The following TSNARE1 variants were observed in gnomAD, a reference collection of about 807,000 sequenced individuals.
TSNARE1 encodes t-SNARE domain-containing protein 1.
TSNARE1 carries 49 observed loss-of-function variants against 62.0 expected under a neutral mutation model. The ratio of observed to expected loss-of-function variants is 0.79; its 90% CI spans 0.63 to 1.00. The LOEUF (loss-of-function observed/expected upper bound fraction) is 1.00, where lower values mean the gene tolerates loss of function less well. Ranked by LOEUF, TSNARE1 falls within the 50% of genes least tolerant of loss-of-function variation. TSNARE1 has a pLI of 0.00. For synonymous variants in TSNARE1, 328 were observed against 294.4 expected (o/e 1.11, Z -1.17); for missense variants, 755 against 700.1 (o/e 1.08, Z -0.88).
intron 1 of TSNARE1, among the ~76,000 whole-genome samples, chr8:142,393,728 C>A (rs931412487): frequency 1.3e-5 from 2 of 152,192 alleles, no homozygotes; most frequent in Non-Finnish European, 2.9e-5. Flanking sequence ...CCCACCCTCT[C>A]CTACTGCAGA....
intron 11 of TSNARE1, among the ~76,000 whole-genome samples, chr8:142,282,071 T>A (rs1298564580): frequency 6.6e-6 from 1 of 152,178 alleles, no homozygotes; most frequent in Non-Finnish European, 1.5e-5. Context: ...CACTTCCTTT[T>A]CCAGAGGAAC....
rs1417182456 is a variant in TSNARE1 at position 142,217,303 on chromosome 8, A to AAGAAAG, written c.*12-4991_*12-4990insCTTTCT. On this transcript the variant is annotated intron_variant, in intron 13 of 13. Coordinates refer to ENST00000524325, the MANE Select transcript of TSNARE1 (RefSeq NM_145003.5). ...AATAAAAAGAAGAAAGAAAGAAAGAAAAAGAAAGAAAGAAAGAAAGAAAGA... is the reference window on the plus strand; with the variant it reads ...AATAAAAAGAAGAAAGAAAGAAAGAAAGAAAGAAAGAAAGAAAGAAAGAAAGAAAGA... Among the ~76,000 whole-genome samples, 164 of 126,722 alleles carry AAGAAAG rather than the reference A, an allele frequency of 1.3e-3. 1 individual carries two copies. The highest frequency in any genetic ancestry group is 3.7e-3 in the African/African-American group (115 of 30,724). The allele number at this position is 126,722 out of a possible 152,430, so 83.1% of individuals were successfully genotyped here.
At chr8:142,296,219 G>A (rs1824689803) in intron 10 of TSNARE1, among the ~76,000 whole-genome samples, 1 of 40,852 alleles carries the variant, frequency 2.4e-5, no homozygotes, top group Non-Finnish European at 5.2e-5. Context: ...CACTGTCACG[G>A]GGGAGGGGGC....
chr8:142,215,267 CA>C (rs1815777390), intron 13 of TSNARE1, among the ~76,000 whole-genome samples: 1 of 152,232 alleles, frequency 6.6e-6, no homozygotes, highest in African/African-American at 2.4e-5. Flanking sequence ...AGGCACCCCC[CA>C]CTTCCTAGCT....
At chr8:142,390,414 T>C (rs1183951529) in intron 1 of TSNARE1, among the ~76,000 whole-genome samples, 3 of 86,010 alleles carry the variant, frequency 3.5e-5, no homozygotes, top group African/African-American at 1.7e-4. Flanking sequence ...CGCTGTACAC[T>C]GCGGGGGACT....
chr8:142,217,551 G>T (rs1815941834), intron 13 of TSNARE1, among the ~76,000 whole-genome samples: 1 of 152,172 alleles, frequency 6.6e-6, no homozygotes, highest in African/African-American at 2.4e-5. Flanking sequence ...CCTTGAACTG[G>T]GTTTATCACC....
At chr8:142,233,558 C>T (rs1817230750) in intron 12 of TSNARE1, among the ~76,000 whole-genome samples, 1 of 152,212 alleles carries the variant, frequency 6.6e-6, no homozygotes, top group South Asian at 2.1e-4. Context: ...CCAGGAGGGG[C>T]CGGTGTGCTT....
intron 2 of TSNARE1, among the ~76,000 whole-genome samples, chr8:142,353,318 C>T (rs965714951): frequency 6.6e-6 from 1 of 152,160 alleles, no homozygotes; most frequent in African/African-American, 2.4e-5. Context: ...TGTCTCTCTG[C>T]CTCCTGCCCA....
intron 13 of TSNARE1, among the ~76,000 whole-genome samples, chr8:142,222,927 C>G (rs1165452233): frequency 5.3e-5 from 8 of 151,336 alleles, no homozygotes; most frequent in Non-Finnish European, 1.2e-4. Flanking sequence ...CACTCATTCA[C>G]TCATCCACTC....
intron 2 of TSNARE1, among the ~76,000 whole-genome samples, chr8:142,347,197 G>A (rs1185420429): frequency 6.6e-6 from 1 of 152,264 alleles, no homozygotes; most frequent in Non-Finnish European, 1.5e-5. Flanking sequence ...CCGCAGGGCA[G>A]AGAAGTGCAG....
At chr8:142,271,186 GGCC>G in intron 12 of TSNARE1, 1 of 991,948 alleles carries the variant, frequency 1.0e-6, no homozygotes. Context: ...CAGGCCCCTG[GGCC>G]ACTCCACTGG....
At chr8:142,242,887 G>A (rs1321150035) in intron 12 of TSNARE1, among the ~76,000 whole-genome samples, 6 of 150,984 alleles carry the variant, frequency 4.0e-5, no homozygotes, top group South Asian at 2.1e-4. Context: ...GCTTGAACCC[G>A]GGAGGTGGAG....
intron 6 of TSNARE1, among the ~76,000 whole-genome samples, chr8:142,327,654 C>T (rs1216655504): frequency 1.3e-5 from 2 of 152,204 alleles, no homozygotes; most frequent in South Asian, 2.1e-4. Flanking sequence ...TGGGATGAAC[C>T]GCACACATGG....
chr8:142,341,120 G>A (rs1360192529), intron 4 of TSNARE1, among the ~76,000 whole-genome samples: 1 of 152,140 alleles, frequency 6.6e-6, no homozygotes, highest in Non-Finnish European at 1.5e-5. Flanking sequence ...CCTGTCCCCC[G>A]ACGCCTCCCA....
At chr8:142,358,515 T>C (rs1460959674) in intron 1 of TSNARE1, among the ~76,000 whole-genome samples, 2 of 151,516 alleles carry the variant, frequency 1.3e-5, no homozygotes, top group Non-Finnish European at 2.9e-5. Flanking sequence ...AGTGAAGATT[T>C]GTGAGCTGCT....
At chr8:142,322,754 G>A (rs1829649332) in intron 6 of TSNARE1, among the ~76,000 whole-genome samples, 1 of 152,014 alleles carries the variant, frequency 6.6e-6, no homozygotes, top group South Asian at 2.1e-4. Context: ...TGAAAGGCTG[G>A]CCTGGCTGTG....
intron 1 of TSNARE1, among the ~76,000 whole-genome samples, chr8:142,357,685 G>C (rs1834853515): frequency 6.6e-6 from 1 of 152,196 alleles, no homozygotes; most frequent in African/African-American, 2.4e-5. Context: ...CCGTGTGCAG[G>C]GATGAGCCCA....
At chr8:142,335,435 C>T (rs993496078) in intron 4 of TSNARE1, among the ~76,000 whole-genome samples, 2 of 152,100 alleles carry the variant, frequency 1.3e-5, no homozygotes, top group Non-Finnish European at 2.9e-5. Flanking sequence ...GGCCGATCCA[C>T]CACACAGGAC....
rs1232001504 is a variant in TSNARE1 at position 142,283,087 on chromosome 8, A to G, written c.1363+1326T>C. 2.3e-3 allele frequency among the ~76,000 whole-genome samples: 191 copies of G among 81,834 alleles called. 1 individual carries two copies. The Middle Eastern group carries it at 0.031, about 13-fold the overall frequency. 53.7% of individuals were successfully genotyped at this position (81,834 alleles called of 152,430 possible). ...GTGAGCGGAGGTGGGGCCAGTGTCT[A>G]TCAATGAGCAGAGGGGAGGCCACTG... On this transcript the variant is annotated intron_variant, in intron 11 of 13. Transcript: ENST00000524325.
Sources: allele counts gnomAD v4.1 joint callset (sites outside exome capture counted in the v4.1 genomes callset), GRCh38; gene constraint gnomAD v4.1.1; transcripts MANE v1.5; gene names NCBI Gene and HGNC (gene_info 2026-07-23, HGNC 2026-07-21).